SPARCL1: variants seen among roughly 807,000 people sequenced by gnomAD.
SPARCL1 encodes SPARC like 1.
In SPARCL1, 52 loss-of-function variants were observed where a neutral mutation model predicts 67.1. The ratio of observed to expected loss-of-function variants is 0.78; its 90% CI spans 0.62 to 0.98. The LOEUF (loss-of-function observed/expected upper bound fraction) is 0.98. Among genes scored for constraint, SPARCL1 ranks in the 50% least tolerant of loss-of-function variants. The pLI is 0.00. For synonymous variants in SPARCL1, 226 were observed against 267.8 expected, an observed-to-expected ratio of 0.84 and a Z score of 1.52; for missense variants, 717 against 782.4, an observed-to-expected ratio of 0.92 and a Z score of 1.00.
At chr4:87,516,146 T>G (rs1454022483) in intron 1 of SPARCL1, among the ~76,000 whole-genome samples, 1 of 152,204 alleles carries the variant, frequency 6.6e-6, no homozygotes, top group Non-Finnish European at 1.5e-5. Context: ...CAGAAGACAC[T>G]TCAACAGTTC....
intron 1 of SPARCL1, among the ~76,000 whole-genome samples, chr4:87,503,672 T>G (rs1217631812): frequency 8.0e-6 from 1 of 124,526 alleles, no homozygotes; most frequent in African/African-American, 3.7e-5. Flanking sequence ...CAAATGAAGT[T>G]TTTTTTTTTC....
rs769115494 is a variant in SPARCL1 at position 87,499,525 on chromosome 4, A to G, written c.50T>C (p.Ile17Thr). ...FLCLLGTAAA[I>T]PTNARLLSDH... The stretch of plus-strand genomic sequence containing the variant: ...AACAGAAGAAAGGAAATTTACCGGG[A>G]TTGCAGCTGCAGTTCCCAAGAGACA... The change falls in exon 2 of 11, where the codon ATC becomes ACC. Residue 17 changes from isoleucine to threonine, a missense_variant. Transcript: ENST00000282470. 6.2e-7 allele frequency: 1 copy of G among 1,603,940 alleles called. No homozygotes were observed. The highest frequency in any genetic ancestry group is 1.1e-5 in the South Asian group (1 of 88,250).
At chr4:87,495,205 A>G in intron 2 of SPARCL1, 78 bp from the exon 3 acceptor site, 1 of 1,221,100 alleles carries the variant, frequency 8.2e-7, no homozygotes. Context: ...TCTTGTTGTC[A>G]TCATTATTAG....
chr4:87,504,195 G>A (rs1043045920), intron 1 of SPARCL1, among the ~76,000 whole-genome samples: 2 of 131,572 alleles, frequency 1.5e-5, no homozygotes, highest in Admixed American at 7.7e-5. Context: ...TGGGGTGGGG[G>A]TGGGAGGGTT....
At chr4:87,523,651 G>C (rs781540753) in intron 1 of SPARCL1, among the ~76,000 whole-genome samples, 10 of 152,188 alleles carry the variant, frequency 6.6e-5, no homozygotes, top group Non-Finnish European at 1.3e-4. Context: ...TGGTGTTAAA[G>C]ATGCGTATGA....
chr4:87,482,229 C>T (rs1039215936), intron 8 of SPARCL1, among the ~76,000 whole-genome samples, 195 bp downstream of exon 8: 5 of 152,066 alleles, frequency 3.3e-5, no homozygotes, highest in African/African-American at 1.2e-4. Context: ...AAGAATGGGG[C>T]GGTTTGGTGG....
intron 1 of SPARCL1, among the ~76,000 whole-genome samples, chr4:87,508,046 T>C (rs1725177094): frequency 6.6e-6 from 1 of 152,238 alleles, no homozygotes; most frequent in Admixed American, 6.5e-5. Context: ...AGTTATCTTG[T>C]AATTTCTTCA....
chr4:87,525,933 CCAAA>C (rs1726020068), intron 1 of SPARCL1, among the ~76,000 whole-genome samples: 1 of 144,446 alleles, frequency 6.9e-6, no homozygotes. Flanking sequence ...TACAAAAACA[CCAAA>C]CAAAGACAAA....
chr4:87,491,552 C>A, intron 5 of SPARCL1, 66 bp downstream of exon 5: 3 of 1,279,378 alleles, frequency 2.3e-6, no homozygotes, highest in Non-Finnish European at 2.3e-6. Flanking sequence ...GAGGGACAAG[C>A]CCAAAGTGGC....
intron 9 of SPARCL1, 24 bp from the exon 10 acceptor site, chr4:87,479,602 TATTA>T: frequency 2.5e-6 from 4 of 1,610,690 alleles, no homozygotes; most frequent in Non-Finnish European, 3.4e-6. Context: ...CATGGCATCC[TATTA>T]ATTGAGTAGC....
chr4:87,521,193 A>G lies in SPARCL1; in HGVS notation c.-12+7852T>C, dbSNP rs539263337. 9.5e-4 allele frequency among the ~76,000 whole-genome samples: 144 copies of G among 152,326 alleles called. No homozygotes were observed. The Middle Eastern group carries it at 0.017, about 18-fold the overall frequency. On this transcript the variant is annotated intron_variant, in intron 1 of 10. Transcript: ENST00000282470. ...ATAGTTTTTTAGAACATTAATTTAC[A>G]TTTAAATTTTAAAAGATAAATTTTA...
Position 87,480,429 on chromosome 4 carries a change from A to T in SPARCL1, c.1760T>A (p.Met587Lys), listed in dbSNP as rs777049103. 3 of 1,613,358 alleles carry T rather than the reference A, an allele frequency of 1.9e-6. No homozygotes were observed. The African/African-American group carries it at 4.0e-5, about 22-fold the overall frequency. The part of the protein sequence containing the change: ...LLRDFKKNYH[M>K]YVYPVHWQFS... ...CTGCCAGTGCACAGGATACACATAC[A>T]TGTGGTAGTTTTTCTTAAAGTCCCT... The change falls in exon 9 of 11, where the codon ATG becomes AAG. Residue 587 changes from methionine (M) to lysine (K), a missense_variant. Coordinates refer to ENST00000282470, the MANE Select transcript of SPARCL1 (RefSeq NM_004684.6).
intron 10 of SPARCL1, among the ~76,000 whole-genome samples, chr4:87,478,567 A>G (rs1176078102): frequency 6.6e-6 from 1 of 151,678 alleles, no homozygotes; most frequent in African/African-American, 2.4e-5. Flanking sequence ...CCTCCCGAGT[A>G]GCTGGGATTA....
At chr4:87,503,489 T>C (rs1724930529) in intron 1 of SPARCL1, among the ~76,000 whole-genome samples, 1 of 152,212 alleles carries the variant, frequency 6.6e-6, no homozygotes, top group African/African-American at 2.4e-5. Flanking sequence ...CTATCATTAT[T>C]CTGGAATTTT....
chr4:87,527,433 C>G (rs560105681), intron 1 of SPARCL1, among the ~76,000 whole-genome samples: 108 of 152,236 alleles, frequency 7.1e-4, no homozygotes, highest in African/African-American at 2.6e-3. Context: ...CCAACCAGTT[C>G]TGGATATGGT....
intron 1 of SPARCL1, among the ~76,000 whole-genome samples, chr4:87,513,762 C>T (rs1409997832): frequency 6.6e-6 from 1 of 152,172 alleles, no homozygotes; most frequent in Non-Finnish European, 1.5e-5. Context: ...TAGGGGATTT[C>T]AAGCTTCCCA....
At chr4:87,476,266 G>A (rs11947972) in intron 10 of SPARCL1, among the ~76,000 whole-genome samples, 2,901 of 152,052 alleles carry the variant, frequency 0.019, 93 homozygotes, top group African/African-American at 0.066. Context: ...TCTGCTCTCG[G>A]CTCCCACATA....
At chr4:87,495,482 A>G (rs1246604244) in intron 2 of SPARCL1, among the ~76,000 whole-genome samples, 1 of 152,226 alleles carries the variant, frequency 6.6e-6, no homozygotes, top group Non-Finnish European at 1.5e-5. Flanking sequence ...TTTAGCAGAA[A>G]GTTGAAGTCA....
intron 1 of SPARCL1, among the ~76,000 whole-genome samples, chr4:87,513,228 A>G (rs1311746953): frequency 2.6e-5 from 4 of 152,216 alleles, no homozygotes; most frequent in Admixed American, 2.6e-4. Context: ...GTCTCATTTG[A>G]TTCAATGAAG....
Sources: gnomAD v4.1 joint callset for allele counts (sites outside exome capture counted in the v4.1 genomes callset) on GRCh38, gnomAD v4.1.1 for gene constraint, MANE v1.5 for transcripts, NCBI Gene and HGNC (gene_info 2026-07-23, HGNC 2026-07-21) for gene names.